Variants in MYOF observed in about 807,000 individuals in gnomAD.
MYOF encodes the protein fer-1-like 3, myoferlin.
In MYOF, 244 loss-of-function variants were observed where a neutral mutation model predicts 284.2. The observed-to-expected ratio is 0.86, with a 90% confidence interval of 0.77 to 0.95. The LOEUF is 0.95. MYOF is among the 40% of genes least tolerant of loss of function. MYOF has a pLI of 0.00. For missense variants in MYOF, 2,496 were observed against 2,560.6 expected (o/e 0.97, Z 0.54); for synonymous variants, 904 against 919.7 (o/e 0.98, Z 0.31).
At chr10:93,342,051 A>G (rs2133852178) in intron 38 of MYOF, 2 of 977,540 alleles carry the variant, frequency 2.0e-6, no homozygotes, top group Non-Finnish European at 2.8e-6. Flanking sequence ...TTTTCCCCGA[A>G]GACTTATTTC....
chr10:93,436,000 C>G (rs7919771), intron 3 of MYOF, among the ~76,000 whole-genome samples: 7 of 150,806 alleles, frequency 4.6e-5, no homozygotes, highest in African/African-American at 1.7e-4. Flanking sequence ...AGAACATGTT[C>G]GTGTTAGACC....
rs1842107583 is a variant in MYOF at position 93,306,598 on chromosome 10, A to T, written c.*365T>A. 7 of 222,584 alleles carry T rather than the reference A, an allele frequency of 3.1e-5. No homozygotes were observed. The highest frequency in any genetic ancestry group is 2.3e-5 in the African/African-American group (1 of 43,100). 13.8% of individuals were successfully genotyped at this position (222,584 alleles called of 1,614,324 possible). On this transcript the variant is annotated 3_prime_UTR_variant, in exon 54 of 54. Coordinates refer to ENST00000359263, the MANE Select transcript of MYOF (RefSeq NM_013451.4). The stretch of plus-strand genomic sequence containing the variant: ...GTTGATTACAAATATGAAGTATATC[A>T]CCTCAGGATGCAGAGATTTTTGAAT...
intron 3 of MYOF, among the ~76,000 whole-genome samples, chr10:93,436,029 G>T (rs1404045018): frequency 6.6e-6 from 1 of 151,372 alleles, no homozygotes; most frequent in Non-Finnish European, 1.5e-5. Context: ...TGCTAGGCAG[G>T]GTTTCTGCCT....
chr10:93,328,340 G>A (rs1843146220), intron 45 of MYOF, among the ~76,000 whole-genome samples: 1 of 152,156 alleles, frequency 6.6e-6, no homozygotes, highest in Non-Finnish European at 1.5e-5. Flanking sequence ...CCCCAAGCTT[G>A]AACATGAGCC....
At chr10:93,312,996 A>T (rs1469490026) in intron 51 of MYOF, 24 bp downstream of exon 51, 1 of 1,582,050 alleles carries the variant, frequency 6.3e-7, no homozygotes, top group Non-Finnish European at 8.6e-7. Context: ...ACGATTTTCA[A>T]CCAGAACCAG....
intron 1 of MYOF, among the ~76,000 whole-genome samples, chr10:93,464,034 G>C (rs2056947847): frequency 6.6e-6 from 1 of 152,154 alleles, no homozygotes; most frequent in Admixed American, 6.6e-5. Flanking sequence ...TGCTGTCGAG[G>C]TATTTTGTAG....
At chr10:93,461,195 A>G (rs1306495524) in intron 1 of MYOF, among the ~76,000 whole-genome samples, 1 of 152,278 alleles carries the variant, frequency 6.6e-6, no homozygotes, top group African/African-American at 2.4e-5. Flanking sequence ...GGGAATAAAC[A>G]GAAATAATGA....
At chr10:93,313,905 A>T (rs991211864) in intron 50 of MYOF, among the ~76,000 whole-genome samples, 2 of 152,168 alleles carry the variant, frequency 1.3e-5, no homozygotes, top group Non-Finnish European at 2.9e-5. Flanking sequence ...TGTCTCAAAA[A>T]AAACAAAACA....
At chr10:93,311,458 A>AC (rs1375536705) in intron 51 of MYOF, among the ~76,000 whole-genome samples, 3 of 150,686 alleles carry the variant, frequency 2.0e-5, no homozygotes, top group African/African-American at 7.3e-5. Context: ...AAAAATACAA[A>AC]AAAAAAAAAA....
chr10:93,457,597 A>G (rs1048403737), intron 1 of MYOF, among the ~76,000 whole-genome samples: 1 of 152,192 alleles, frequency 6.6e-6, no homozygotes, highest in Non-Finnish European at 1.5e-5. Context: ...ACACGAGCAA[A>G]TCCAGCAAGT....
At chr10:93,420,666 C>A (rs773818955) in intron 5 of MYOF, among the ~76,000 whole-genome samples, 5 of 152,186 alleles carry the variant, frequency 3.3e-5, no homozygotes, top group Non-Finnish European at 5.9e-5. Flanking sequence ...TCTGCAGGAG[C>A]CACTATGTGG....
Position 93,388,229 on chromosome 10 carries a change from TG to T in MYOF, c.1582-317del, listed in dbSNP as rs371731245. Among the ~76,000 whole-genome samples, 30 of 14,702 alleles carry T rather than the reference TG, an allele frequency of 2.0e-3. 1 individual carries two copies. In the East Asian group the frequency reaches 0.056, roughly 28 times the overall value. The allele number at this position is 14,702 out of a possible 152,430, so 9.6% of individuals were successfully genotyped here. A position where few individuals can be genotyped will look rare whatever the true frequency, so the allele number is the denominator to read the frequency against. ...TTTGTGGAGGCTGGGAGGTGGGGGG[TG>T]GGGGGTGGATGGGGCTCTAAGTCTC... On this transcript the variant is annotated intron_variant, in intron 18 of 53. Transcript: ENST00000359263.
In MYOF at chr10:93,388,439, G is replaced by A. The variant is rs537688058; in HGVS notation, c.1582-526C>T. Among the ~76,000 whole-genome samples, 8 of 152,306 alleles carry A rather than the reference G, an allele frequency of 5.3e-5. No individual in the cohort carries two copies. The South Asian group carries it at 1.7e-3, about 32-fold the overall frequency. On this transcript the variant is annotated intron_variant, in intron 18 of 53. Coordinates refer to ENST00000359263, the MANE Select transcript of MYOF (RefSeq NM_013451.4). ...GGGTGCAGCTGAGCCTGAGGATGAA[G>A]AGTGGATACTTCTCCCACCATACCC...
At chr10:93,379,599 T>G (rs902032768) in intron 21 of MYOF, among the ~76,000 whole-genome samples, 27 of 152,276 alleles carry the variant, frequency 1.8e-4, no homozygotes, top group Middle Eastern at 3.4e-3. Context: ...AGGGCAGATG[T>G]AGTAGTGAGC....
At chr10:93,382,117 G>A (rs1166933255) in intron 19 of MYOF, among the ~76,000 whole-genome samples, 1 of 152,204 alleles carries the variant, frequency 6.6e-6, no homozygotes, top group Admixed American at 6.5e-5. Context: ...AGAAGGTCTG[G>A]AGGAATATAA....
At chr10:93,370,884 A>G (rs768049568) in intron 24 of MYOF, among the ~76,000 whole-genome samples, 11 of 152,280 alleles carry the variant, frequency 7.2e-5, no homozygotes, top group Non-Finnish European at 1.5e-4. Flanking sequence ...TTTAAACATA[A>G]ACAAAGTGAA....
At chr10:93,396,287 T>C (rs954224817) in intron 15 of MYOF, 63 bp from the exon 16 acceptor site, 11 of 1,152,762 alleles carry the variant, frequency 9.5e-6, no homozygotes, top group African/African-American at 1.6e-5. Context: ...TCTAGGAAGA[T>C]ATGTCTTCAT....
chr10:93,389,222 T>A, intron 17 of MYOF, 68 bp from the exon 18 acceptor site: 1 of 1,505,330 alleles, frequency 6.6e-7, no homozygotes. Flanking sequence ...AAATATTAGT[T>A]ATTAGTTAGT....
At chr10:93,348,089 C>G (rs139635112) in intron 36 of MYOF, among the ~76,000 whole-genome samples, 2 of 152,218 alleles carry the variant, frequency 1.3e-5, no homozygotes, top group African/African-American at 2.4e-5. Flanking sequence ...TAGAATAGTA[C>G]CTGACCCATG....
Sources: gnomAD v4.1 joint callset for allele counts (sites outside exome capture counted in the v4.1 genomes callset) on GRCh38, gnomAD v4.1.1 for gene constraint, MANE v1.5 for transcripts, NCBI Gene and HGNC (gene_info 2026-07-23, HGNC 2026-07-21) for gene names.